The following AFTPH variants were observed in gnomAD, a reference collection of about 807,000 sequenced individuals.
AFTPH encodes the protein aftiphilin protein.
A neutral mutation model predicts 72.5 loss-of-function variants in AFTPH; 7 were observed. The ratio of observed to expected loss-of-function variants is 0.10; its 90% CI spans 0.05 to 0.18. AFTPH has a LOEUF of 0.18. AFTPH is among the 10% of genes least tolerant of loss of function. The probability of loss-of-function intolerance (pLI) is 1.00; values close to 1 mark genes in which losing one functional copy is unlikely to be tolerated. For missense variants in AFTPH, 979 were observed against 1,060.5 expected (o/e 0.92, Z 1.07); for synonymous variants, 337 against 370.1 (o/e 0.91, Z 1.03).
chr2:64,536,014 G>A (rs1669862725), intron 1 of AFTPH, among the ~76,000 whole-genome samples: 1 of 152,226 alleles, frequency 6.6e-6, no homozygotes, highest in Admixed American at 6.5e-5. Context: ...TAGAGGGGGA[G>A]CGGTTGGGGT....
chr2:64,583,251 T>C (rs1673315892), intron 7 of AFTPH, among the ~76,000 whole-genome samples: 1 of 151,462 alleles, frequency 6.6e-6, no homozygotes, highest in African/African-American at 2.4e-5. Context: ...ACTTAGGAGG[T>C]TGGCATAGAA....
exon 8 of AFTPH, chr2:64,585,500 T>A (rs1673453013): frequency 6.2e-7 from 1 of 1,613,670 alleles, no homozygotes; most frequent in Admixed American, 1.7e-5. Context: ...ACTGATGCAT[T>A]TGCAAGACTC....
chr2:64,579,105 A>G (rs1673006500), intron 6 of AFTPH: 1 of 161,772 alleles, frequency 6.2e-6, no homozygotes, highest in Non-Finnish European at 1.3e-5. Context: ...AAGGAACCAG[A>G]CAGACCTTAG....
At chr2:64,583,962 GAAA>G (rs1010357866) in intron 7 of AFTPH, among the ~76,000 whole-genome samples, 3 of 151,930 alleles carry the variant, frequency 2.0e-5, no homozygotes, top group African/African-American at 7.2e-5. Context: ...ATCTTAAAAG[GAAA>G]AAAACTTGTT....
At chr2:64,586,274 T>A (rs141233971) in intron 8 of AFTPH, among the ~76,000 whole-genome samples, 105 of 152,360 alleles carry the variant, frequency 6.9e-4, no homozygotes, top group African/African-American at 2.5e-3. Context: ...TACTGGTTGA[T>A]TGACACGCCA....
intron 2 of AFTPH, among the ~76,000 whole-genome samples, chr2:64,561,646 T>C (rs1206604589): frequency 6.6e-6 from 1 of 152,164 alleles, no homozygotes; most frequent in African/African-American, 2.4e-5. Context: ...ACCACTGCGC[T>C]GAAGCCTGAA....
At chr2:64,592,365 C>G (rs751068661) in exon 9 of AFTPH, 24 of 169,826 alleles carry the variant, frequency 1.4e-4, no homozygotes, top group Admixed American at 1.2e-3. Context: ...AAAAAAAACT[C>G]AAATCTTCAC....
chr2:64,575,082 C>G (rs1250167899), intron 6 of AFTPH, among the ~76,000 whole-genome samples: 1 of 152,050 alleles, frequency 6.6e-6, no homozygotes, highest in Non-Finnish European at 1.5e-5. Context: ...CTTACAACCC[C>G]ATAAACTATT....
intron 6 of AFTPH, among the ~76,000 whole-genome samples, chr2:64,578,572 T>G (rs1432270148): frequency 6.6e-6 from 1 of 151,998 alleles, no homozygotes; most frequent in Non-Finnish European, 1.5e-5. Flanking sequence ...TTTTTTTTTT[T>G]TTTAAACAGT....
chr2:64,527,546 C>T (rs1030223922), intron 1 of AFTPH, among the ~76,000 whole-genome samples: 2 of 150,156 alleles, frequency 1.3e-5, no homozygotes, highest in African/African-American at 2.5e-5. Context: ...TGCCAGTGCA[C>T]TCCAGCCTGG....
intron 1 of AFTPH, among the ~76,000 whole-genome samples, chr2:64,529,676 CTGGAGTACAG>C (rs1669506826): frequency 6.7e-6 from 1 of 149,972 alleles, no homozygotes; most frequent in African/African-American, 2.5e-5. Flanking sequence ...GTCACCCAGG[CTGGAGTACAG>C]TGGAGTGATC....
intron 1 of AFTPH, among the ~76,000 whole-genome samples, chr2:64,549,513 G>A (rs147193627): frequency 6.6e-6 from 1 of 151,666 alleles, no homozygotes; most frequent in Non-Finnish European, 1.5e-5. Context: ...TAGAGGTGGG[G>A]TTTCACCGTG....
chr2:64,526,417 A>G (rs1669269586), intron 1 of AFTPH, among the ~76,000 whole-genome samples: 3 of 152,208 alleles, frequency 2.0e-5, no homozygotes, highest in Non-Finnish European at 4.4e-5. Context: ...CCCTTCCCCC[A>G]AATCTCATAA....
intron 7 of AFTPH, 26 bp downstream of exon 8, chr2:64,581,299 TCCA>T (rs1673181944): frequency 6.5e-7 from 1 of 1,547,890 alleles, no homozygotes; most frequent in African/African-American, 1.4e-5. Context: ...AAACCACAAT[TCCA>T]GTTTATTTAC....
chr2:64,545,265 T>G (rs1670504529), intron 1 of AFTPH, among the ~76,000 whole-genome samples: 1 of 152,010 alleles, frequency 6.6e-6, no homozygotes, highest in African/African-American at 2.4e-5. Flanking sequence ...GTTTTTTACA[T>G]AACTAAACAT....
chr2:64,524,539 G>C (rs1282232577), exon 1 of AFTPH: 2 of 399,018 alleles, frequency 5.0e-6, no homozygotes, highest in African/African-American at 4.1e-5. Flanking sequence ...CGGAATAGAC[G>C]GTCCTTCCCC....
At chr2:64,537,477 A>G (rs1287064833) in intron 1 of AFTPH, among the ~76,000 whole-genome samples, 1 of 152,236 alleles carries the variant, frequency 6.6e-6, no homozygotes, top group African/African-American at 2.4e-5. Context: ...AATGTTTCGT[A>G]TGCTACTAAA....
exon 2 of AFTPH, chr2:64,551,652 G>T (rs1453892223): frequency 1.2e-6 from 2 of 1,613,990 alleles, no homozygotes; most frequent in Non-Finnish European, 1.7e-6. Flanking sequence ...GGAAGAGTTT[G>T]TACCTTCAAA....
exon 2 of AFTPH, chr2:64,552,763 A>ATGATTTTGG (rs751591760): frequency 1.9e-6 from 3 of 1,614,098 alleles, no homozygotes; most frequent in African/African-American, 2.7e-5. Context: ...ATCAATGAAG[A>ATGATTTTGG]TGATTTTGGT....
Sources: allele counts gnomAD v4.1 joint callset (sites outside exome capture counted in the v4.1 genomes callset), GRCh38; gene constraint gnomAD v4.1.1; transcripts MANE v1.5; gene names NCBI Gene and HGNC (gene_info 2026-07-23, HGNC 2026-07-21).